Variants in RBPMS observed in about 807,000 individuals in gnomAD.
RBPMS encodes RNA-binding protein with multiple splicing.
In RBPMS, 7 loss-of-function variants were observed where a neutral mutation model predicts 26.8. The ratio of observed to expected loss-of-function variants is 0.26; its 90% CI spans 0.15 to 0.49. The LOEUF (loss-of-function observed/expected upper bound fraction) is 0.49, where lower values mean the gene tolerates loss of function less well. Ranked by LOEUF, RBPMS falls within the 20% of genes least tolerant of loss-of-function variation. RBPMS has a pLI of 0.98. For synonymous variants in RBPMS, 96 were observed against 93.3 expected (o/e 1.03, Z -0.17); for missense variants, 186 against 250.0 (o/e 0.74, Z 1.73).
At chr8:30,512,774 A>G (rs1032378834) in intron 5 of RBPMS, among the ~76,000 whole-genome samples, 1 of 152,196 alleles carries the variant, frequency 6.6e-6, no homozygotes, top group South Asian at 2.1e-4. Context: ...TTCTCACCTC[A>G]TGAACACTTT....
chr8:30,495,790 C>G (rs146616173), intron 4 of RBPMS, among the ~76,000 whole-genome samples: 345 of 152,254 alleles, frequency 2.3e-3, no homozygotes, highest in Admixed American at 5.2e-3. Context: ...TGTTCATTCT[C>G]TGTTGGAATC....
At chr8:30,511,484 AAAAT>A (rs1821647625) in intron 5 of RBPMS, among the ~76,000 whole-genome samples, 3 of 6,148 alleles carry the variant, frequency 4.9e-4, no homozygotes, top group Non-Finnish European at 1.4e-3. Flanking sequence ...AAAAAAAAAA[AAAAT>A]ATATATATAT....
intron 1 of RBPMS, among the ~76,000 whole-genome samples, chr8:30,392,668 G>C (rs1300471205): frequency 6.6e-6 from 1 of 152,232 alleles, no homozygotes. Flanking sequence ...AGTGGCAACT[G>C]AGGCAGAGAT....
At chr8:30,556,683 G>C in intron 6 of RBPMS, 7 of 986,114 alleles carry the variant, frequency 7.1e-6, no homozygotes, top group Non-Finnish European at 8.4e-6. Context: ...CCTGCCATGG[G>C]GGCTCTGTGT....
chr8:30,417,979 C>CAACTATATATAT (rs1393881205), intron 1 of RBPMS, among the ~76,000 whole-genome samples: 6 of 152,176 alleles, frequency 3.9e-5, no homozygotes, highest in Non-Finnish European at 7.3e-5. Flanking sequence ...ATACGTAACA[C>CAACTATATATAT]ATAGGTATAT....
At chr8:30,549,602 G>A (rs1289841017) in intron 6 of RBPMS, 1 of 1,598,302 alleles carries the variant, frequency 6.3e-7, no homozygotes, top group Non-Finnish European at 8.6e-7. Flanking sequence ...CTTTCTAGGA[G>A]CACCTGGCTT....
At chr8:30,515,790 G>A (rs2150969126) in intron 5 of RBPMS, among the ~76,000 whole-genome samples, 1 of 152,204 alleles carries the variant, frequency 6.6e-6, no homozygotes, top group Non-Finnish European at 1.5e-5. Context: ...TGAGTAGCTG[G>A]TACTACAGGC....
At chr8:30,527,523 G>T (rs191008885) in intron 5 of RBPMS, among the ~76,000 whole-genome samples, 1 of 152,016 alleles carries the variant, frequency 6.6e-6, no homozygotes, top group Non-Finnish European at 1.5e-5. Flanking sequence ...CTACCATCTC[G>T]TCACCCACTA....
At chr8:30,491,740 A>G (rs1430052209) in intron 4 of RBPMS, among the ~76,000 whole-genome samples, 1 of 152,166 alleles carries the variant, frequency 6.6e-6, no homozygotes, top group Non-Finnish European at 1.5e-5. Context: ...AACGATCCTT[A>G]AAACATATAC....
intron 6 of RBPMS, chr8:30,549,640 G>A: frequency 7.2e-7 from 1 of 1,379,840 alleles, no homozygotes; most frequent in Non-Finnish European, 1.0e-6. Context: ...GGGCGGACGG[G>A]GAGGCCAGGC....
rs976957639 is a variant in RBPMS at position 30,513,344 on chromosome 8, C to T, written c.397+8908C>T. On this transcript the variant is annotated intron_variant, in intron 5 of 8. Transcript: ENST00000397323. Reference sequence around the variant, plus strand: ...GGTAGCTCACACCTGAAATCCAGCACTTTGGGAGGCCGAGGCAGGTGGATC... The same window carrying T: ...GGTAGCTCACACCTGAAATCCAGCATTTTGGGAGGCCGAGGCAGGTGGATC... Among the ~76,000 whole-genome samples, 10 of 152,034 alleles carry T rather than the reference C, an allele frequency of 6.6e-5. No individual in the cohort carries two copies. In the East Asian group the frequency reaches 1.9e-3, roughly 29 times the overall value.
chr8:30,564,362 T>C (rs572020637), intron 7 of RBPMS: 1 of 152,332 alleles, frequency 6.6e-6, no homozygotes, highest in Non-Finnish European at 1.5e-5. Flanking sequence ...TCAGAGACCT[T>C]TCTCTGTTTT....
At chr8:30,511,484 AAAATATATATATAT>A (rs1379951852) in intron 5 of RBPMS, among the ~76,000 whole-genome samples, 91 of 6,142 alleles carry the variant, frequency 0.015, 1 homozygote, top group African/African-American at 0.028. Context: ...AAAAAAAAAA[AAAATATATATATAT>A]ATATATATAT....
chr8:30,536,096 G>C (rs1262977779), intron 5 of RBPMS, among the ~76,000 whole-genome samples: 2 of 151,512 alleles, frequency 1.3e-5, no homozygotes, highest in Non-Finnish European at 2.9e-5. Flanking sequence ...TGCACTCAGG[G>C]ACCTTATAGT....
intron 5 of RBPMS, among the ~76,000 whole-genome samples, chr8:30,506,072 C>G (rs1821042252): frequency 6.6e-6 from 1 of 152,018 alleles, no homozygotes; most frequent in Non-Finnish European, 1.5e-5. Context: ...TCTGAATTTC[C>G]TACAACAGCC....
At chr8:30,529,721 T>A (rs1823999305) in intron 5 of RBPMS, among the ~76,000 whole-genome samples, 1 of 151,906 alleles carries the variant, frequency 6.6e-6, no homozygotes, top group Non-Finnish European at 1.5e-5. Context: ...TCAAGGTTCA[T>A]CCATGTTGTA....
intron 1 of RBPMS, among the ~76,000 whole-genome samples, chr8:30,458,640 C>T (rs1815522369): frequency 6.6e-6 from 1 of 152,132 alleles, no homozygotes; most frequent in African/African-American, 2.4e-5. Context: ...GAACTGGTTG[C>T]ACATCAGTAA....
chr8:30,411,705 C>CG (rs1809450067), intron 1 of RBPMS, among the ~76,000 whole-genome samples: 2 of 148,206 alleles, frequency 1.3e-5, no homozygotes, highest in Admixed American at 6.8e-5. Context: ...ATGTTTAGGC[C>CG]GGGCACAGTG....
intron 1 of RBPMS, among the ~76,000 whole-genome samples, chr8:30,445,660 A>G (rs1246429861): frequency 1.4e-5 from 2 of 141,200 alleles, no homozygotes; most frequent in Non-Finnish European, 3.1e-5. Flanking sequence ...ATATATATAT[A>G]TATATATATA....
Sources: gnomAD v4.1 joint callset for allele counts (sites outside exome capture counted in the v4.1 genomes callset) on GRCh38, gnomAD v4.1.1 for gene constraint, MANE v1.5 for transcripts, NCBI Gene and HGNC (gene_info 2026-07-23, HGNC 2026-07-21) for gene names.